The following LUZP2 variants were observed in gnomAD, a reference collection of about 807,000 sequenced individuals.
LUZP2 encodes leucine zipper protein 2.
A neutral mutation model predicts 51.6 loss-of-function variants in LUZP2; 52 were observed. The ratio of observed to expected loss-of-function variants is 1.01; its 90% confidence interval spans 0.81 to 1.27. The LOEUF is 1.27. Among genes scored for constraint, LUZP2 ranks in the 50% most tolerant of loss-of-function variants. The pLI, the probability that LUZP2 is intolerant of heterozygous loss-of-function variation, is 0.00. For synonymous variants in LUZP2, 154 were observed against 137.3 expected, an observed-to-expected ratio of 1.12 and a Z score of -0.85; for missense variants, 436 against 395.4, an observed-to-expected ratio of 1.10 and a Z score of -0.87.
chr11:24,625,276 T>G (rs1454818572), intron 1 of LUZP2, among the ~76,000 whole-genome samples: 1 of 151,926 alleles, frequency 6.6e-6, no homozygotes, highest in Non-Finnish European at 1.5e-5. Flanking sequence ...ACAGAATGAT[T>G]ACCATAGTTT....
chr11:24,694,937 G>T lies in LUZP2; in HGVS notation c.63-34232G>T, dbSNP rs578058394. ...GCCTATCAGGGGGGCTGTGTAGGGG[G>T]CAAGGGGAGGGAGAGCATTAGGACA... On this transcript the variant is annotated intron_variant, in intron 1 of 11. Transcript: ENST00000336930. Among the ~76,000 whole-genome samples the T allele has an allele frequency of 9.3e-5, 14 of 150,686 alleles. No individual in the cohort carries two copies. In the South Asian group the frequency reaches 3.0e-3, roughly 32 times the overall value.
chr11:24,683,300 T>C (rs1856803850), intron 1 of LUZP2, among the ~76,000 whole-genome samples: 1 of 152,174 alleles, frequency 6.6e-6, no homozygotes, highest in Non-Finnish European at 1.5e-5. Flanking sequence ...TATTTTGGAG[T>C]TGAATTAATG....
chr11:24,971,811 G>A (rs1590790258), intron 7 of LUZP2, among the ~76,000 whole-genome samples: 1 of 151,986 alleles, frequency 6.6e-6, no homozygotes, highest in East Asian at 1.9e-4. Context: ...TCTCTTGGCT[G>A]GATTTTTACC....
intron 5 of LUZP2, among the ~76,000 whole-genome samples, chr11:24,844,877 T>G (rs1851149902): frequency 6.6e-6 from 1 of 152,210 alleles, no homozygotes. Context: ...TGGGAACCTC[T>G]GTCTACATTT....
intron 5 of LUZP2, among the ~76,000 whole-genome samples, chr11:24,886,974 C>A (rs896962853): frequency 2.0e-5 from 3 of 152,070 alleles, no homozygotes; most frequent in Admixed American, 6.6e-5. Context: ...CAGAAAACTT[C>A]TTTTACCTGG....
chr11:24,884,007 G>A lies in LUZP2; in HGVS notation c.397-21984G>A, dbSNP rs113516948. 2.6e-3 allele frequency among the ~76,000 whole-genome samples: 397 copies of A among 152,106 alleles called. 2 individuals carry two copies. Among genetic ancestry groups the A allele is most frequent in the African/African-American group, 9.1e-3 (378 of 41,536 alleles). On this transcript the variant is annotated intron_variant, in intron 5 of 11. Coordinates refer to ENST00000336930, the MANE Select transcript of LUZP2 (RefSeq NM_001009909.4). ...TGATGCTGGAATTCCCAGTAGAATT[G>A]CAAAGAGAGGGTGGCAGGTGTTCAA...
At chr11:24,845,764 G>A (rs918237619) in intron 5 of LUZP2, among the ~76,000 whole-genome samples, 6 of 151,908 alleles carry the variant, frequency 3.9e-5, no homozygotes, top group East Asian at 2.0e-4. Flanking sequence ...TTTGTCTGCC[G>A]CCATTCATGT....
chr11:24,688,647 C>G (rs549067185), intron 1 of LUZP2, among the ~76,000 whole-genome samples: 20 of 152,300 alleles, frequency 1.3e-4, no homozygotes, highest in African/African-American at 4.6e-4. Flanking sequence ...GAACCTACCA[C>G]TTGCTGACAC....
chr11:24,577,301 T>C (rs888771852), intron 1 of LUZP2, among the ~76,000 whole-genome samples: 42 of 152,272 alleles, frequency 2.8e-4, no homozygotes, highest in Non-Finnish European at 5.0e-4. Context: ...TATACCTTAT[T>C]TAAAGGCAAA....
chr11:24,898,438 C>G (rs1853156555), intron 5 of LUZP2, among the ~76,000 whole-genome samples: 1 of 152,296 alleles, frequency 6.6e-6, no homozygotes, highest in South Asian at 2.1e-4. Context: ...TCCTGACTAA[C>G]ACGGTGAAAC....
intron 9 of LUZP2, among the ~76,000 whole-genome samples, chr11:25,028,269 A>G (rs1000906285): frequency 6.6e-6 from 1 of 152,158 alleles, no homozygotes; most frequent in African/African-American, 2.4e-5. Context: ...TGTCGACTGT[A>G]ATCACCCTGT....
chr11:24,921,175 A>T (rs1854040844), intron 7 of LUZP2, among the ~76,000 whole-genome samples: 2 of 152,132 alleles, frequency 1.3e-5, no homozygotes, highest in South Asian at 4.2e-4. Flanking sequence ...AAGAAGAAAG[A>T]AAGAAGAAAA....
intron 9 of LUZP2, among the ~76,000 whole-genome samples, chr11:25,008,649 C>G (rs553932521): frequency 1.3e-5 from 2 of 152,246 alleles, no homozygotes; most frequent in Admixed American, 1.3e-4. Context: ...GCTCCAGGTT[C>G]CTGTCCTGGG....
intron 8 of LUZP2, 117 bp from the exon 9 acceptor site, chr11:24,983,009 T>C: frequency 1.1e-6 from 1 of 944,924 alleles, no homozygotes; most frequent in South Asian, 1.7e-5. Context: ...GGCAATTACA[T>C]TTGAAAAGTG....
chr11:24,823,685 G>T (rs1344034654), intron 5 of LUZP2, among the ~76,000 whole-genome samples: 1 of 152,098 alleles, frequency 6.6e-6, no homozygotes, highest in Non-Finnish European at 1.5e-5. Context: ...CAATATTATT[G>T]AGATCGAATC....
intron 7 of LUZP2, 117 bp from the exon 8 acceptor site, chr11:24,976,472 CTG>C (rs1232226039): frequency 1.5e-4 from 77 of 499,160 alleles, no homozygotes; most frequent in African/African-American, 3.4e-4. Context: ...TTACAGGACA[CTG>C]TTTTTTTTTT....
intron 7 of LUZP2, among the ~76,000 whole-genome samples, chr11:24,932,898 C>G (rs2133836844): frequency 6.6e-6 from 1 of 152,294 alleles, no homozygotes; most frequent in South Asian, 2.1e-4. Flanking sequence ...TCCCTGTGGT[C>G]TTTTCCCAAT....
chr11:24,678,539 G>GA (rs11330170), intron 1 of LUZP2, among the ~76,000 whole-genome samples: 48 of 149,084 alleles, frequency 3.2e-4, no homozygotes, highest in Non-Finnish European at 2.4e-4. Context: ...AATATTAAAA[G>GA]AAAAAAAAAA....
intron 10 of LUZP2, among the ~76,000 whole-genome samples, chr11:25,055,911 C>G (rs926052853): frequency 9.9e-5 from 15 of 152,096 alleles, no homozygotes; most frequent in Admixed American, 5.2e-4. Flanking sequence ...TCCAAAGGAT[C>G]CAGTGAGATA....
Sources: allele counts gnomAD v4.1 joint callset (sites outside exome capture counted in the v4.1 genomes callset), GRCh38; gene constraint gnomAD v4.1.1; transcripts MANE v1.5; gene names NCBI Gene and HGNC (gene_info 2026-07-23, HGNC 2026-07-21).